The following UACA variants were observed in gnomAD, a reference collection of about 807,000 sequenced individuals.
UACA encodes nuclear membrane binding protein.
Under a neutral mutation model 160.5 loss-of-function variants are expected in UACA, and 112 were observed. The observed-to-expected ratio is 0.70, with a 90% CI of 0.60 to 0.82. The LOEUF (loss-of-function observed/expected upper bound fraction) is 0.82, where lower values mean the gene tolerates loss of function less well. Ranked by LOEUF, UACA falls within the 40% of genes least tolerant of loss-of-function variation. The pLI, the probability that UACA is intolerant of heterozygous loss-of-function variation, is 0.00. For synonymous variants in UACA, 557 were observed against 568.4 expected (o/e 0.98, Z 0.29); for missense variants, 1,574 against 1,614.6 (o/e 0.97, Z 0.43).
chr15:70,770,349 G>A, the UACA span, among the ~76,000 whole-genome samples: 10 of 152,188 alleles, frequency 6.6e-5, no homozygotes, highest in African/African-American at 2.4e-4. Context: ...AGGCCATCAG[G>A]ACTATTTTAA....
intron 9 of UACA, 53 bp from the exon 10 acceptor site, chr15:70,679,729 G>A (rs1173072549): frequency 8.0e-7 from 1 of 1,242,666 alleles, no homozygotes; most frequent in African/African-American, 1.5e-5. Flanking sequence ...ATACAGAAAA[G>A]TATATTTTCC....
At chr15:70,772,991 A>G in the UACA span, among the ~76,000 whole-genome samples, 7 of 151,536 alleles carry the variant, frequency 4.6e-5, no homozygotes, top group African/African-American at 1.2e-4. Context: ...CGGAACGCTG[A>G]GGCAGGATTG....
chr15:70,670,676 GA>G (rs1002832910), intron 15 of UACA, among the ~76,000 whole-genome samples: 57 of 141,756 alleles, frequency 4.0e-4, no homozygotes, highest in East Asian at 1.8e-3. Context: ...GGATCAAGAG[GA>G]AAAAAAAAAA....
intron 17 of UACA, among the ~76,000 whole-genome samples, chr15:70,664,146 A>C (rs892291709): frequency 1.3e-5 from 2 of 152,340 alleles, no homozygotes; most frequent in Middle Eastern, 3.4e-3. Context: ...CAGACCTTCC[A>C]ACATTAGCTT....
At chr15:70,657,802 C>T (rs1896534877) in intron 18 of UACA, among the ~76,000 whole-genome samples, 1 of 151,924 alleles carries the variant, frequency 6.6e-6, no homozygotes, top group African/African-American at 2.4e-5. Context: ...TAACTGATGG[C>T]TGAACATGGT....
intron 1 of UACA, among the ~76,000 whole-genome samples, chr15:70,719,031 A>G (rs1260412530): frequency 6.6e-6 from 1 of 151,642 alleles, no homozygotes; most frequent in African/African-American, 2.4e-5. Flanking sequence ...AGGAAGGAGG[A>G]AGGAAGGGAG....
At position 70,720,085 on chromosome 15, in the gene UACA, G is replaced by GA. The variant is rs1311789606; in HGVS notation, c.79-20426dup. 3.9e-5 allele frequency among the ~76,000 whole-genome samples: 6 copies of GA among 152,076 alleles called. 1 individual carries two copies. On this transcript the variant is annotated intron_variant, in intron 1 of 18. Coordinates refer to ENST00000322954, the MANE Select transcript of UACA (RefSeq NM_018003.4). ...TCTCCCTTTGGTGCTGTTCTCATGA[G>GA]ATCTGGTTGTTTAAAGCATGCAGCA...
Position 70,667,015 on chromosome 15 carries a change from T to C in UACA, c.3669A>G (p.Val1223=), listed in dbSNP as rs147338503. ...TTGCTTTATATTTAGACAAGTCAAC[T>C]ACCTCTCTAGTCTCTAATTTTTTTA... is the stretch of plus-strand genomic sequence containing the variant. ...QALKKLETRE[V]VDLSKYKATK... is the part of the protein sequence containing the mutation. The change falls in exon 16 of 19, where the codon GTA becomes GTG. Residue 1223 remains valine (V), a synonymous_variant. Coordinates refer to ENST00000322954, the MANE Select transcript of UACA (RefSeq NM_018003.4). 2.9e-4 allele frequency: 469 copies of C among 1,613,470 alleles called. 4 individuals carry two copies. In the African/African-American group the frequency reaches 4.9e-3, roughly 17 times the overall value.
At chr15:70,762,988 A>AG (rs113943175) in intron 1 of UACA, among the ~76,000 whole-genome samples, 9 of 151,904 alleles carry the variant, frequency 5.9e-5, no homozygotes, top group African/African-American at 7.2e-5. Flanking sequence ...GAGAGCGACG[A>AG]GGGGGGGTCA....
At chr15:70,762,147 T>C (rs1024686663) in intron 1 of UACA, among the ~76,000 whole-genome samples, 2 of 152,220 alleles carry the variant, frequency 1.3e-5, no homozygotes, top group African/African-American at 4.8e-5. Flanking sequence ...CATCTGAATC[T>C]ACTCTCTTTT....
chr15:70,683,971 CAAA>C (rs774850410), intron 8 of UACA, among the ~76,000 whole-genome samples: 3 of 128,956 alleles, frequency 2.3e-5, no homozygotes, highest in Non-Finnish European at 1.7e-5. Context: ...CCCTCTTCAT[CAAA>C]AAAAAAAAAA....
chr15:70,700,301 G>GTATATATATATATATATATATA (rs142277997), intron 1 of UACA, among the ~76,000 whole-genome samples: 1 of 129,884 alleles, frequency 7.7e-6, no homozygotes, highest in African/African-American at 3.4e-5. Context: ...GAGGCAAATT[G>GTATATATATATATATATATATA]TATATATATA....
chr15:70,671,928 G>A, intron 14 of UACA, 37 bp downstream of exon 14: 1 of 1,540,164 alleles, frequency 6.5e-7, no homozygotes, highest in South Asian at 1.2e-5. Flanking sequence ...ACTTGAACTA[G>A]GTGAACTGTA....
intron 1 of UACA, chr15:70,701,899 A>G: frequency 1.2e-6 from 2 of 1,613,502 alleles, no homozygotes; most frequent in African/African-American, 1.3e-5. Flanking sequence ...AGTACAAGAA[A>G]ACCAACAGTT....
the UACA span, among the ~76,000 whole-genome samples, chr15:70,771,497 G>T: frequency 6.6e-6 from 1 of 152,196 alleles, no homozygotes; most frequent in South Asian, 2.1e-4. Flanking sequence ...AAATATCTTT[G>T]TTGGGTGTCC....
chr15:70,739,313 T>G (rs927628162), intron 1 of UACA, among the ~76,000 whole-genome samples: 1 of 152,188 alleles, frequency 6.6e-6, no homozygotes, highest in Admixed American at 6.5e-5. Flanking sequence ...TCCTGCACAT[T>G]GTAGGATGTG....
rs186538346 is a variant in UACA at position 70,667,671 on chromosome 15, G to A, written c.3013C>T (p.Leu1005=). ...GTCTGCTCTGATAACTGGTCTTTTAGTTCTTTCTCTGTTGCTTTAAATTTT... is the reference window on the plus strand; with the variant it reads ...GTCTGCTCTGATAACTGGTCTTTTAATTCTTTCTCTGTTGCTTTAAATTTT... The part of the protein sequence containing the change: ...ERKFKATEKE[L]KDQLSEQTQK... Residue 1005 remains leucine (L), a synonymous_variant, in exon 16 of 19, where the codon CTA becomes TTA. Transcript: ENST00000322954. 16 of 1,613,390 alleles carry A rather than the reference G, an allele frequency of 9.9e-6. No homozygotes were observed. The highest frequency in any genetic ancestry group is 1.3e-5 in the Non-Finnish European group (15 of 1,179,974).
chr15:70,715,985 A>T (rs1898810415), intron 1 of UACA, among the ~76,000 whole-genome samples: 1 of 152,226 alleles, frequency 6.6e-6, no homozygotes, highest in Non-Finnish European at 1.5e-5. Flanking sequence ...GCAGTGGATG[A>T]TGCAGCCACT....
intron 2 of UACA, among the ~76,000 whole-genome samples, chr15:70,698,315 A>T (rs1451997502): frequency 1.3e-5 from 2 of 152,206 alleles, no homozygotes; most frequent in Non-Finnish European, 2.9e-5. Context: ...CATCCCAAAA[A>T]AGATTCACTT....
Sources: gnomAD v4.1 joint callset for allele counts (sites outside exome capture counted in the v4.1 genomes callset) on GRCh38, gnomAD v4.1.1 for gene constraint, MANE v1.5 for transcripts, NCBI Gene and HGNC (gene_info 2026-07-23, HGNC 2026-07-21) for gene names.